Variants in CEP83 observed in about 807,000 individuals in gnomAD.
CEP83 encodes centrosomal protein of 83 kDa.
CEP83 carries 70 observed loss-of-function variants against 101.9 expected under a neutral mutation model. That is an observed-to-expected ratio of 0.69 (90% confidence interval 0.57 to 0.84). CEP83 has a LOEUF of 0.84. Among genes scored for constraint, CEP83 ranks in the 40% least tolerant of loss-of-function variants. The pLI, the probability that CEP83 is intolerant of heterozygous loss-of-function variation, is 0.00. For missense variants in CEP83, 715 were observed against 787.2 expected (o/e 0.91, Z 1.10); for synonymous variants, 264 against 267.9 (o/e 0.99, Z 0.14).
At chr12:94,419,789 C>T (rs556452131) in intron 2 of CEP83, among the ~76,000 whole-genome samples, 2 of 151,964 alleles carry the variant, frequency 1.3e-5, no homozygotes, top group Non-Finnish European at 2.9e-5. Flanking sequence ...ACTAGATAAC[C>T]TTGTAGAAAA....
chr12:94,440,907 G>A (rs1184039071), intron 1 of CEP83, among the ~76,000 whole-genome samples: 1 of 152,070 alleles, frequency 6.6e-6, no homozygotes, highest in Non-Finnish European at 1.5e-5. Context: ...ATTTGACAAA[G>A]CAAACAAAAA....
intron 2 of CEP83, among the ~76,000 whole-genome samples, chr12:94,429,384 A>G (rs2065447525): frequency 6.6e-6 from 1 of 152,174 alleles, no homozygotes; most frequent in African/African-American, 2.4e-5. Context: ...GCACAACAGC[A>G]TTGCTCCAGA....
intron 1 of CEP83, among the ~76,000 whole-genome samples, chr12:94,439,484 A>G (rs1195231637): frequency 1.3e-5 from 2 of 152,124 alleles, no homozygotes; most frequent in African/African-American, 4.8e-5. Context: ...AACTAGGAAG[A>G]AATAGAAACA....
chr12:94,357,470 TC>T (rs777713046), intron 11 of CEP83, among the ~76,000 whole-genome samples: 4 of 152,172 alleles, frequency 2.6e-5, no homozygotes, highest in Non-Finnish European at 4.4e-5. Flanking sequence ...TCAGTGTCAC[TC>T]TAAGTTTGAT....
chr12:94,333,565 C>T lies in CEP83; in HGVS notation c.1494G>A (p.Met498Ile). 1 of 1,613,872 alleles carries T rather than the reference C, an allele frequency of 6.2e-7. No homozygotes were observed. The highest frequency in any genetic ancestry group is 8.5e-7 in the Non-Finnish European group (1 of 1,179,846). Residue 498 changes from methionine to isoleucine, a missense_variant, in exon 13 of 17, where the codon ATG becomes ATA. Coordinates refer to ENST00000397809, the MANE Select transcript of CEP83 (RefSeq NM_016122.3). ...SENDLLNSNQ[M>I]LKEMVERLKQ... ...TTAATCTCTCCACCATTTCCTTCAG[C>T]ATTTGGTTTGAATTCAGCAAGTCAT...
chr12:94,425,850 G>A (rs752765332), intron 2 of CEP83, among the ~76,000 whole-genome samples: 1 of 152,184 alleles, frequency 6.6e-6, no homozygotes, highest in Non-Finnish European at 1.5e-5. Context: ...GGCCAGTGCG[G>A]TGGCTCACGC....
chr12:94,268,062 C>T, the CEP83 span, among the ~76,000 whole-genome samples: 3 of 152,118 alleles, frequency 2.0e-5, no homozygotes, highest in Non-Finnish European at 2.9e-5. Context: ...AGCATCCTCA[C>T]GAACCACTTG....
intron 1 of CEP83, among the ~76,000 whole-genome samples, chr12:94,436,583 A>G (rs2066003310): frequency 6.6e-6 from 1 of 152,156 alleles, no homozygotes; most frequent in East Asian, 1.9e-4. Flanking sequence ...TTATAATCCC[A>G]GCACCTCAGG....
Position 94,376,003 on chromosome 12 carries a change from T to C in CEP83, c.816A>G (p.Ser272=). Residue 272 remains serine (S), a synonymous_variant, in exon 8 of 17, where the codon TCA becomes TCG. Transcript: ENST00000397809. ...TVRSLEAEKQ[S]ANLRAERLEK... Reference sequence around the variant, plus strand: ...CCAAACGTTCTGCCCGTAAATTAGCTGATTGTTTTTCAGCCTTTCATACAA... The same window carrying C: ...CCAAACGTTCTGCCCGTAAATTAGCCGATTGTTTTTCAGCCTTTCATACAA... 2 of 1,558,380 alleles carry C rather than the reference T, an allele frequency of 1.3e-6. No homozygotes were observed.
At chr12:94,316,253 T>A (rs1176724818) in intron 14 of CEP83, among the ~76,000 whole-genome samples, 1 of 152,198 alleles carries the variant, frequency 6.6e-6, no homozygotes, top group Non-Finnish European at 1.5e-5. Flanking sequence ...TTTTATGCTA[T>A]TGTAAATGGC....
At chr12:94,338,642 G>A (rs1043918110) in intron 11 of CEP83, among the ~76,000 whole-genome samples, 5 of 152,142 alleles carry the variant, frequency 3.3e-5, no homozygotes, top group African/African-American at 1.2e-4. Context: ...AGGCTACAGT[G>A]GAAACTGTTA....
chr12:94,284,957 C>G, the CEP83 span, among the ~76,000 whole-genome samples: 1 of 152,190 alleles, frequency 6.6e-6, no homozygotes, highest in Non-Finnish European at 1.5e-5. Context: ...CCATTAGAAG[C>G]TGTGGATTTC....
At chr12:94,432,513 C>T (rs546183131) in intron 2 of CEP83, among the ~76,000 whole-genome samples, 2 of 152,172 alleles carry the variant, frequency 1.3e-5, no homozygotes, top group African/African-American at 4.8e-5. Context: ...ACAAATATCA[C>T]ATGTACTCAT....
intron 2 of CEP83, among the ~76,000 whole-genome samples, chr12:94,417,273 G>A (rs1480589114): frequency 6.6e-6 from 1 of 151,776 alleles, no homozygotes; most frequent in African/African-American, 2.4e-5. Flanking sequence ...CTATGATTAT[G>A]CCACCACACT....
At chr12:94,445,272 T>TACACACAC (rs3069395) in intron 1 of CEP83, among the ~76,000 whole-genome samples, 37 of 150,210 alleles carry the variant, frequency 2.5e-4, no homozygotes, top group East Asian at 9.8e-4. Context: ...GCCTTTTCCA[T>TACACACAC]ACACACACAC....
At chr12:94,434,349 C>T (rs73370401) in intron 2 of CEP83, among the ~76,000 whole-genome samples, 8,098 of 151,992 alleles carry the variant, frequency 0.053, 665 homozygotes, top group African/African-American at 0.18. Context: ...CAAATGATAA[C>T]GCAAATGTTT....
At chr12:94,379,069 C>T (rs778949343) in intron 6 of CEP83, 27 bp from the exon 7 acceptor site, 2 of 1,543,018 alleles carry the variant, frequency 1.3e-6, no homozygotes, top group Admixed American at 1.8e-5. Context: ...AGAAAGCATA[C>T]AAGGTTAAAT....
chr12:94,278,036 C>T, the CEP83 span: 8 of 455,942 alleles, frequency 1.8e-5, no homozygotes, highest in Admixed American at 1.4e-4. Flanking sequence ...ACTTGGGGAC[C>T]TCCTCTTTCG....
At chr12:94,407,350 C>T (rs2063604716) in intron 4 of CEP83, among the ~76,000 whole-genome samples, 1 of 152,112 alleles carries the variant, frequency 6.6e-6, no homozygotes, top group Non-Finnish European at 1.5e-5. Context: ...TTAAAACCAG[C>T]AATAAAGAGA....
Sources: gnomAD v4.1 joint callset for allele counts (sites outside exome capture counted in the v4.1 genomes callset) on GRCh38, gnomAD v4.1.1 for gene constraint, MANE v1.5 for transcripts, NCBI Gene and HGNC (gene_info 2026-07-23, HGNC 2026-07-21) for gene names.